XPNPEP3: variants seen among roughly 807,000 people sequenced by gnomAD.
The protein encoded by XPNPEP3 is xaa-Pro aminopeptidase 3.
XPNPEP3 carries 41 observed loss-of-function variants against 60.0 expected under a neutral mutation model. That is an observed-to-expected ratio of 0.68 (90% CI 0.53 to 0.89). XPNPEP3 has a LOEUF of 0.89. XPNPEP3 is among the 40% of genes least tolerant of loss of function. XPNPEP3 has a pLI of 0.00. For missense variants in XPNPEP3, 598 were observed against 638.9 expected, an observed-to-expected ratio of 0.94 and a Z score of 0.69; for synonymous variants, 212 against 223.2, an observed-to-expected ratio of 0.95 and a Z score of 0.45.
At chr22:40,923,851 CAAAA>C (rs199776769) in intron 8 of XPNPEP3, among the ~76,000 whole-genome samples, 1 of 149,906 alleles carries the variant, frequency 6.7e-6, no homozygotes, top group Non-Finnish European at 1.5e-5. Context: ...GACTCCATCT[CAAAA>C]AAAAAGAAAG....
chr22:40,922,211 T>C (rs2146280657), intron 7 of XPNPEP3, 122 bp from the exon 8 acceptor site: 2 of 1,171,602 alleles, frequency 1.7e-6, no homozygotes, highest in South Asian at 1.3e-5. Context: ...TTGGTACTTA[T>C]TAAACATCAA....
chr22:40,924,482 G>T lies in XPNPEP3; in HGVS notation c.1357G>T (p.Gly453Cys), dbSNP rs267607179. Reference protein sequence around the residue: ...QPGMVITIEPGIYIPEDDKDA... With the variant: ...QPGMVITIEPCIYIPEDDKDA... ...TGGGATGGTAATCACAATTGAGCCC[G>T]GTAAGGAGAGGTGTTACAATAGTAG... The change falls in exon 9 of 10, where the codon GGC becomes TGC. Residue 453 changes from glycine to cysteine, a missense_variant and splice_region_variant. By Grantham distance (159) the Gly-to-Cys change is radical (BLOSUM62 -3). Coordinates refer to ENST00000357137, the MANE Select transcript of XPNPEP3 (RefSeq NM_022098.4). The T allele has an allele frequency of 2.4e-5, 38 of 1,613,860 alleles. 1 individual carries two copies. The highest frequency in any genetic ancestry group is 1.7e-6 in the Non-Finnish European group (2 of 1,179,976).
chr22:40,857,417 C>T (rs567026399), intron 1 of XPNPEP3, among the ~76,000 whole-genome samples, 172 bp downstream of exon 1: 2 of 152,326 alleles, frequency 1.3e-5, no homozygotes, highest in East Asian at 1.9e-4. Context: ...GGGGTGGGCC[C>T]AGTGTGTTCT....
chr22:40,878,810 A>G (rs1210054983), intron 2 of XPNPEP3, among the ~76,000 whole-genome samples: 1 of 151,260 alleles, frequency 6.6e-6, no homozygotes, highest in African/African-American at 2.4e-5. Context: ...CTGGCCTTGA[A>G]CTCCTGACCT....
intron 3 of XPNPEP3, among the ~76,000 whole-genome samples, chr22:40,884,244 T>G (rs1301010100): frequency 6.6e-6 from 1 of 152,208 alleles, no homozygotes; most frequent in Non-Finnish European, 1.5e-5. Context: ...TTGCTACTTG[T>G]CATGTTCTAC....
intron 2 of XPNPEP3, among the ~76,000 whole-genome samples, chr22:40,869,395 C>T (rs1178054267): frequency 6.6e-6 from 1 of 151,892 alleles, no homozygotes; most frequent in Non-Finnish European, 1.5e-5. Flanking sequence ...TATGATAGAC[C>T]TTATAATTCA....
intron 7 of XPNPEP3, among the ~76,000 whole-genome samples, chr22:40,914,531 ATTTTTTTTTTTTTTTTT>A (rs560908648): frequency 3.0e-5 from 2 of 67,604 alleles, no homozygotes; most frequent in Non-Finnish European, 5.6e-5. Flanking sequence ...ACTAACAAAG[ATTTTTTTTTTTTTTTTT>A]TTTTTTTTTT....
intron 5 of XPNPEP3, 83 bp from the exon 6 acceptor site, chr22:40,909,039 G>A (rs1207699539): frequency 9.8e-7 from 1 of 1,024,234 alleles, no homozygotes; most frequent in African/African-American, 1.6e-5. Flanking sequence ...GTACTGGTAT[G>A]GAGGTATGGG....
intron 1 of XPNPEP3, among the ~76,000 whole-genome samples, chr22:40,865,988 T>C (rs2057976770): frequency 6.6e-6 from 1 of 152,226 alleles, no homozygotes; most frequent in South Asian, 2.1e-4. Context: ...CTAATTTATA[T>C]ATCTAGCCTA....
intron 6 of XPNPEP3, among the ~76,000 whole-genome samples, chr22:40,910,870 T>C (rs1388439735): frequency 2.6e-5 from 4 of 151,842 alleles, no homozygotes; most frequent in Non-Finnish European, 5.9e-5. Context: ...TAGCTGGGTG[T>C]GGTGGCGTGT....
At chr22:40,861,100 C>G (rs1265256462) in intron 1 of XPNPEP3, 1 of 1,610,532 alleles carries the variant, frequency 6.2e-7, no homozygotes, top group Admixed American at 1.7e-5. Context: ...TTTTGCACCT[C>G]TTTACGCTTC....
intron 2 of XPNPEP3, among the ~76,000 whole-genome samples, chr22:40,872,027 T>A (rs2058007932): frequency 6.6e-6 from 1 of 152,196 alleles, no homozygotes; most frequent in Non-Finnish European, 1.5e-5. Context: ...AGTGAGACTT[T>A]GTCTCAAAAA....
intron 2 of XPNPEP3, among the ~76,000 whole-genome samples, chr22:40,875,966 G>A (rs536171457): frequency 1.3e-5 from 2 of 152,108 alleles, no homozygotes; most frequent in South Asian, 2.1e-4. Context: ...GTTGCAGTGA[G>A]CTAAGATTGC....
At chr22:40,878,619 C>A (rs184210533) in intron 2 of XPNPEP3, among the ~76,000 whole-genome samples, 59 of 149,594 alleles carry the variant, frequency 3.9e-4, no homozygotes, top group Non-Finnish European at 1.8e-4. Flanking sequence ...CGGAATCTTA[C>A]TCTGTCGCTC....
chr22:40,917,260 G>T (rs1307878722), intron 7 of XPNPEP3: 1 of 152,066 alleles, frequency 6.6e-6, no homozygotes, highest in Non-Finnish European at 1.5e-5. Context: ...ACCTAAGGAG[G>T]GCTGAACTGG....
intron 4 of XPNPEP3, among the ~76,000 whole-genome samples, chr22:40,899,527 A>C (rs1282862157): frequency 6.6e-6 from 1 of 152,054 alleles, no homozygotes; most frequent in Non-Finnish European, 1.5e-5. Flanking sequence ...CATATGCAAA[A>C]GAATGAAGTT....
At chr22:40,900,448 T>G (rs2058127378) in intron 4 of XPNPEP3, among the ~76,000 whole-genome samples, 1 of 151,300 alleles carries the variant, frequency 6.6e-6, no homozygotes, top group Non-Finnish European at 1.5e-5. Context: ...CTATTAAAAA[T>G]ACAAAAAATT....
intron 3 of XPNPEP3, among the ~76,000 whole-genome samples, chr22:40,883,222 A>G (rs2058055420): frequency 6.6e-6 from 1 of 152,212 alleles, no homozygotes; most frequent in Non-Finnish European, 1.5e-5. Context: ...CATCAGAATC[A>G]CCTGGTAATG....
chr22:40,929,192 CT>C lies in XPNPEP3; in HGVS notation c.*2774del, dbSNP rs575824982. On this transcript the variant is annotated 3_prime_UTR_variant, in exon 10 of 10. Transcript: ENST00000357137. Reference sequence around the variant, plus strand: ...TTCTTGTATCATTTTCTTTTCTTTTCTTTTTTTTTTTTTTTTTGAGACGGAG... The same window carrying C: ...TTCTTGTATCATTTTCTTTTCTTTTCTTTTTTTTTTTTTTTTGAGACGGAG... 213 of 136,840 alleles carry C rather than the reference CT, an allele frequency of 1.6e-3. No homozygotes were observed. The Middle Eastern group carries it at 0.016, about 10-fold the overall frequency. The allele number at this position is 136,840 out of a possible 1,614,324, so 8.5% of individuals were successfully genotyped here. A position where few individuals can be genotyped will look rare whatever the true frequency, so the allele number is the denominator to read the frequency against.
Sources: allele counts gnomAD v4.1 joint callset (sites outside exome capture counted in the v4.1 genomes callset), GRCh38; gene constraint gnomAD v4.1.1; transcripts MANE v1.5; gene names NCBI Gene and HGNC (gene_info 2026-07-23, HGNC 2026-07-21).